NBAS: variants seen among roughly 807,000 people sequenced by gnomAD.
NBAS encodes NAG/BC035112 fusion.
Under a neutral mutation model 302.5 loss-of-function variants are expected in NBAS, and 219 were observed. That is an observed-to-expected ratio of 0.72 (90% confidence interval 0.65 to 0.81). The LOEUF (loss-of-function observed/expected upper bound fraction) is 0.81, where lower values mean the gene tolerates loss of function less well. NBAS is among the 30% of genes least tolerant of loss of function. The probability of loss-of-function intolerance (pLI) is 0.00; values close to 1 mark genes in which losing one functional copy is unlikely to be tolerated. For missense variants in NBAS, 2,932 were observed against 2,841.6 expected (o/e 1.03, Z -0.72); for synonymous variants, 1,118 against 1,021.6 (o/e 1.09, Z -1.80).
rs752833739 is a variant in NBAS at position 15,461,205 on chromosome 2, C to T, written c.2335G>A (p.Ala779Thr). The stretch of plus-strand genomic sequence containing the variant: ...TCTGTTAACATAGTCACATACCAAG[C>T]TTCGGGCAGCAAAACAGAATATTCA... ...PHEYSVLLPEACFNGDSLMII... is the reference protein window; with the variant it reads ...PHEYSVLLPETCFNGDSLMII... The change falls in exon 21 of 52, where the codon GCT becomes ACT. Residue 779 changes from alanine (A) to threonine (T), a missense_variant. Transcript: ENST00000281513. The T allele has an allele frequency of 2.5e-6, 4 of 1,613,450 alleles. No individual in the cohort carries two copies. In the South Asian group the frequency reaches 4.4e-5, roughly 18 times the overall value.
the NBAS span, among the ~76,000 whole-genome samples, chr2:14,779,984 T>C: frequency 3.3e-5 from 5 of 152,204 alleles, no homozygotes; most frequent in Non-Finnish European, 7.3e-5. Flanking sequence ...CTGTCACTAA[T>C]GACCAGCCAG....
At chr2:14,920,540 C>T in the NBAS span, among the ~76,000 whole-genome samples, 21 of 152,308 alleles carry the variant, frequency 1.4e-4, no homozygotes, top group South Asian at 3.1e-3. Context: ...TAGATAGTAT[C>T]ATTTCCTAAT....
intron 44 of NBAS, among the ~76,000 whole-genome samples, chr2:15,263,383 T>C (rs1457588192): frequency 1.3e-5 from 2 of 152,144 alleles, no homozygotes; most frequent in Admixed American, 6.5e-5. Flanking sequence ...TGTGAGCCAC[T>C]GCACCCAGGC....
chr2:15,187,757 T>C (rs1665156714), intron 49 of NBAS, among the ~76,000 whole-genome samples: 1 of 152,220 alleles, frequency 6.6e-6, no homozygotes, highest in Non-Finnish European at 1.5e-5. Flanking sequence ...AGCACAGCAC[T>C]ACATTCTAGA....
the NBAS span, among the ~76,000 whole-genome samples, chr2:15,105,406 A>AT: frequency 5.9e-5 from 9 of 152,118 alleles, no homozygotes; most frequent in Non-Finnish European, 1.0e-4. Context: ...TTAAAGTATA[A>AT]TTTTTTAAAA....
At chr2:15,287,689 G>A (rs912819586) in intron 41 of NBAS, among the ~76,000 whole-genome samples, 2 of 151,274 alleles carry the variant, frequency 1.3e-5, no homozygotes, top group South Asian at 2.1e-4. Context: ...GAGGCATCCC[G>A]AACACCCGCA....
At chr2:15,282,340 C>A (rs926111331) in intron 42 of NBAS, among the ~76,000 whole-genome samples, 1 of 152,160 alleles carries the variant, frequency 6.6e-6, no homozygotes, top group East Asian at 1.9e-4. Flanking sequence ...GCAACCCGGA[C>A]ACAAACCTAT....
chr2:15,266,883 G>A (rs2148031029), intron 44 of NBAS, among the ~76,000 whole-genome samples: 1 of 152,194 alleles, frequency 6.6e-6, no homozygotes. Context: ...ATAGATAGCT[G>A]TCCACAGCTC....
At chr2:15,511,459 T>C in intron 9 of NBAS, 109 bp from the exon 10 acceptor site, 3 of 918,798 alleles carry the variant, frequency 3.3e-6, no homozygotes, top group Middle Eastern at 2.7e-4. Flanking sequence ...CAAGTACTAT[T>C]AATATATGTT....
At chr2:15,448,616 A>C (rs1339495010) in intron 21 of NBAS, among the ~76,000 whole-genome samples, 1 of 152,156 alleles carries the variant, frequency 6.6e-6, no homozygotes, top group Non-Finnish European at 1.5e-5. Context: ...CATATATGTC[A>C]TGGATTTTTT....
intron 41 of NBAS, among the ~76,000 whole-genome samples, chr2:15,292,031 G>C (rs1268442414): frequency 6.6e-6 from 1 of 152,216 alleles, no homozygotes; most frequent in East Asian, 1.9e-4. Context: ...GTGGAGTGCA[G>C]TGGCATGATC....
At chr2:14,783,915 G>T in the NBAS span, among the ~76,000 whole-genome samples, 4 of 151,142 alleles carry the variant, frequency 2.6e-5, no homozygotes, top group South Asian at 8.4e-4. Context: ...CACAATGGTT[G>T]AACTAGTTTA....
chr2:14,886,869 C>T, the NBAS span: 1 of 152,224 alleles, frequency 6.6e-6, no homozygotes. Context: ...CTGTTTCACA[C>T]AAGCTAGGAT....
At chr2:15,187,525 G>A (rs1227607267) in intron 49 of NBAS, among the ~76,000 whole-genome samples, 2 of 152,054 alleles carry the variant, frequency 1.3e-5, no homozygotes, top group Non-Finnish European at 2.9e-5. Flanking sequence ...CATACTTTGG[G>A]CTTCACGTTG....
the NBAS span, among the ~76,000 whole-genome samples, chr2:14,954,363 A>G: frequency 6.6e-6 from 1 of 152,200 alleles, no homozygotes; most frequent in Non-Finnish European, 1.5e-5. Flanking sequence ...CTTCCCATGC[A>G]TTTGGAGATG....
the NBAS span, among the ~76,000 whole-genome samples, chr2:14,999,227 T>C: frequency 6.6e-6 from 1 of 150,876 alleles, no homozygotes. Flanking sequence ...GGCTTGCAAA[T>C]GACTCTTGTT....
chr2:15,275,197 C>G (rs1057152381), intron 44 of NBAS, among the ~76,000 whole-genome samples: 30 of 152,204 alleles, frequency 2.0e-4, no homozygotes, highest in African/African-American at 6.7e-4. Context: ...CTGGAAAGAA[C>G]AGAATGGCAT....
chr2:15,180,193 T>C (rs1318725137), intron 50 of NBAS: 1 of 152,226 alleles, frequency 6.6e-6, no homozygotes, highest in Non-Finnish European at 1.5e-5. Context: ...AGCTCGCATT[T>C]AAACTCAGGA....
At chr2:14,982,658 T>C in the NBAS span, among the ~76,000 whole-genome samples, 104 of 152,158 alleles carry the variant, frequency 6.8e-4, 1 homozygote, top group Admixed American at 2.2e-3. Flanking sequence ...GTATGTGACA[T>C]TGGATGGAAT....
Sources: gnomAD v4.1 joint callset for allele counts (sites outside exome capture counted in the v4.1 genomes callset) on GRCh38, gnomAD v4.1.1 for gene constraint, MANE v1.5 for transcripts, NCBI Gene and HGNC (gene_info 2026-07-23, HGNC 2026-07-21) for gene names.